COL21A1: variants seen among roughly 807,000 people sequenced by gnomAD.
COL21A1 encodes the protein collagen alpha-1(XXI) chain.
COL21A1 carries 149 observed loss-of-function variants against 137.9 expected under a neutral mutation model. That is an observed-to-expected ratio of 1.08 (90% CI 0.95 to 1.24). The LOEUF is 1.24. COL21A1 is among the 50% of genes most tolerant of loss of function. The pLI is 0.00. For missense variants in COL21A1, 1,167 were observed against 1,158.4 expected (o/e 1.01, Z -0.11); for synonymous variants, 456 against 391.5 (o/e 1.16, Z -1.95).
intron 1 of COL21A1, among the ~76,000 whole-genome samples, chr6:56,325,143 T>G (rs1289033758): frequency 6.8e-6 from 1 of 147,758 alleles, no homozygotes; most frequent in East Asian, 2.0e-4. Context: ...AAGCCTCCTA[T>G]GTTGCATAAA....
intron 1 of COL21A1, among the ~76,000 whole-genome samples, chr6:56,315,980 T>C (rs1252528429): frequency 1.3e-5 from 2 of 152,156 alleles, no homozygotes; most frequent in East Asian, 1.9e-4. Flanking sequence ...ACCTTAAATA[T>C]ATACAATTTT....
chr6:56,196,206 G>GGAAA (rs1779014842), intron 1 of COL21A1, among the ~76,000 whole-genome samples: 1 of 152,038 alleles, frequency 6.6e-6, no homozygotes, highest in Admixed American at 6.6e-5. Context: ...AATTAGGCAT[G>GGAAA]GAATGAATGA....
At chr6:56,085,582 TCTC>T (rs1277634503) in intron 17 of COL21A1, among the ~76,000 whole-genome samples, 4 of 152,218 alleles carry the variant, frequency 2.6e-5, no homozygotes, top group African/African-American at 9.6e-5. Flanking sequence ...AACTGATTGT[TCTC>T]CTCCAGTAGG....
intron 1 of COL21A1, among the ~76,000 whole-genome samples, chr6:56,224,577 T>C (rs1423157676): frequency 6.6e-6 from 1 of 152,068 alleles, no homozygotes; most frequent in East Asian, 1.9e-4. Context: ...TTTTGGAATA[T>C]GGGAGACATA....
chr6:56,254,985 G>A (rs1782933491), intron 1 of COL21A1, among the ~76,000 whole-genome samples: 1 of 151,810 alleles, frequency 6.6e-6, no homozygotes, highest in African/African-American at 2.4e-5. Context: ...ATTTTCCTCA[G>A]GTAAATGACT....
rs138143962 is a variant in COL21A1 at position 56,317,867 on chromosome 6, T to C, written c.-39+76104A>G. The stretch of plus-strand genomic sequence containing the variant: ...TTGGAGTATTTTTACAAAACTATAT[T>C]TCCTTTTCTTAAAAAAATAAGAATA... On this transcript the variant is annotated intron_variant, in intron 1 of 28. Coordinates refer to the COL21A1 transcript ENST00000370819. 3.3e-5 allele frequency among the ~76,000 whole-genome samples: 5 copies of C among 152,206 alleles called. No homozygotes were observed. The East Asian group carries it at 9.7e-4, about 29-fold the overall frequency.
At position 56,101,469 on chromosome 6, in the gene COL21A1, C is replaced by T; in HGVS notation, c.1812+3G>A. ...TTTAGAACTGAAATGAGAAGGTACTCACAGGCTCTCCCCGTGTTCCATCCT... is the reference window on the plus strand; with the variant it reads ...TTTAGAACTGAAATGAGAAGGTACTTACAGGCTCTCCCCGTGTTCCATCCT... On this transcript the variant is annotated splice_donor_region_variant and intron_variant, in intron 17 of 29. Coordinates refer to ENST00000244728, the MANE Select transcript of COL21A1 (RefSeq NM_030820.4). 4 of 1,589,870 alleles carry T rather than the reference C, an allele frequency of 2.5e-6. No individual in the cohort carries two copies. The highest frequency in any genetic ancestry group is 2.7e-5 in the African/African-American group (2 of 74,570).
chr6:56,166,570 T>C (rs1204914598), intron 7 of COL21A1, among the ~76,000 whole-genome samples: 1 of 152,146 alleles, frequency 6.6e-6, no homozygotes, highest in Non-Finnish European at 1.5e-5. Context: ...GAGAATTTCT[T>C]GAACCCAGAC....
chr6:56,371,896 A>G (rs368857407), intron 1 of COL21A1, among the ~76,000 whole-genome samples: 1 of 152,134 alleles, frequency 6.6e-6, no homozygotes, highest in Admixed American at 6.6e-5. Flanking sequence ...AGTTTCCAGA[A>G]TCCACACCCA....
chr6:56,306,289 T>C (rs929219214), intron 1 of COL21A1, among the ~76,000 whole-genome samples: 2 of 149,060 alleles, frequency 1.3e-5, no homozygotes, highest in Non-Finnish European at 3.0e-5. Flanking sequence ...CCTTGCTAGA[T>C]TGGGGAAGTT....
intron 18 of COL21A1, 104 bp from the exon 19 acceptor site, chr6:56,075,636 G>C: frequency 1.2e-6 from 1 of 809,052 alleles, no homozygotes. Flanking sequence ...ATATCAATCA[G>C]TTCACCTTTT....
At chr6:56,318,865 C>T (rs1242124280) in intron 1 of COL21A1, among the ~76,000 whole-genome samples, 4 of 151,792 alleles carry the variant, frequency 2.6e-5, no homozygotes, top group African/African-American at 7.3e-5. Flanking sequence ...TTCAGTAAAA[C>T]TTCTTCAAAC....
chr6:56,238,148 C>G (rs1359408930), intron 1 of COL21A1, among the ~76,000 whole-genome samples: 1 of 151,940 alleles, frequency 6.6e-6, no homozygotes, highest in Non-Finnish European at 1.5e-5. Context: ...CTATAAGCAG[C>G]AATTGATTAG....
In COL21A1 at chr6:56,267,319, C is replaced by A. The variant is rs778567423; in HGVS notation, c.-38-84663G>T. On this transcript the variant is annotated intron_variant, in intron 1 of 28. Transcript: ENST00000370819. The stretch of plus-strand genomic sequence containing the variant: ...TCTGGCCAATGGAATGTTCCTGGTG[C>A]ATAAAAACTTTTTCTGCATAATCCT... 2.0e-5 allele frequency among the ~76,000 whole-genome samples: 3 copies of A among 152,270 alleles called. No homozygotes were observed. The South Asian group carries it at 6.2e-4, about 32-fold the overall frequency.
At chr6:56,300,348 G>A (rs1424286235) in intron 1 of COL21A1, among the ~76,000 whole-genome samples, 1 of 151,992 alleles carries the variant, frequency 6.6e-6, no homozygotes, top group African/African-American at 2.4e-5. Context: ...TGAGTAACAG[G>A]TACCTGAGTT....
chr6:56,340,229 T>C (rs1562063797), intron 1 of COL21A1, among the ~76,000 whole-genome samples: 1 of 152,226 alleles, frequency 6.6e-6, no homozygotes, highest in Non-Finnish European at 1.5e-5. Flanking sequence ...GGAGCAATTC[T>C]GGGTTTCCTC....
intron 1 of COL21A1, among the ~76,000 whole-genome samples, chr6:56,298,348 G>A (rs564614949): frequency 5.3e-5 from 8 of 152,038 alleles, no homozygotes; most frequent in African/African-American, 1.9e-4. Context: ...GGGTGGTGTC[G>A]TGTATCATTC....
chr6:56,284,650 T>C (rs1290383357), intron 1 of COL21A1, among the ~76,000 whole-genome samples: 1 of 152,024 alleles, frequency 6.6e-6, no homozygotes, highest in Non-Finnish European at 1.5e-5. Context: ...AGACACAAAT[T>C]TTATTATACC....
intron 1 of COL21A1, among the ~76,000 whole-genome samples, chr6:56,226,729 G>A (rs937045424): frequency 4.6e-5 from 7 of 152,002 alleles, no homozygotes; most frequent in African/African-American, 1.7e-4. Flanking sequence ...CTTCAGCACT[G>A]CAGTTTATAT....
Sources: allele counts gnomAD v4.1 joint callset (sites outside exome capture counted in the v4.1 genomes callset), GRCh38; gene constraint gnomAD v4.1.1; transcripts MANE v1.5; gene names NCBI Gene and HGNC (gene_info 2026-07-23, HGNC 2026-07-21).